Variants in BLM observed in about 807,000 individuals in gnomAD.
The protein encoded by BLM is BLM RecQ like helicase.
Under a neutral mutation model 135.3 loss-of-function variants are expected in BLM, and 95 were observed. That is an observed-to-expected ratio of 0.70 (90% CI 0.59 to 0.83). BLM has a LOEUF of 0.83. BLM is among the 40% of genes least tolerant of loss of function. The probability of loss-of-function intolerance (pLI) is 0.00; values close to 1 mark genes in which losing one functional copy is unlikely to be tolerated. For synonymous variants in BLM, 520 were observed against 589.2 expected, an observed-to-expected ratio of 0.88 and a Z score of 1.70; for missense variants, 1,518 against 1,663.9, an observed-to-expected ratio of 0.91 and a Z score of 1.53.
intron 1 of BLM, among the ~76,000 whole-genome samples, chr15:90,725,482 C>T (rs530743389): frequency 1.3e-5 from 2 of 150,802 alleles, no homozygotes; most frequent in African/African-American, 4.8e-5. Flanking sequence ...GGGCTATTTC[C>T]TCTTTTTTAC....
At chr15:90,725,050 A>G (rs1029589824) in intron 1 of BLM, among the ~76,000 whole-genome samples, 2 of 152,146 alleles carry the variant, frequency 1.3e-5, no homozygotes, top group African/African-American at 4.8e-5. Context: ...CTGGGGTTAT[A>G]GGTGTGCACC....
At chr15:90,718,453 A>G (rs1894667688) in intron 1 of BLM, among the ~76,000 whole-genome samples, 1 of 152,238 alleles carries the variant, frequency 6.6e-6, no homozygotes, top group South Asian at 2.1e-4. Flanking sequence ...CCACCCATGC[A>G]GATAAATAAC....
chr15:90,754,682 A>T (rs1895768427), intron 4 of BLM, 129 bp from the exon 5 acceptor site: 7 of 1,114,038 alleles, frequency 6.3e-6, no homozygotes, highest in South Asian at 3.1e-5. Flanking sequence ...GAGGAAATTT[A>T]AAAAACTACT....
chr15:90,778,889 C>CT (rs60733714), intron 12 of BLM, among the ~76,000 whole-genome samples: 2,111 of 135,042 alleles, frequency 0.016, 80 homozygotes, highest in South Asian at 0.053. Flanking sequence ...TTAACCCTTT[C>CT]TTTTTTTTTT....
At chr15:90,746,821 A>T (rs1214866398) in intron 1 of BLM, among the ~76,000 whole-genome samples, 2 of 152,184 alleles carry the variant, frequency 1.3e-5, no homozygotes, top group Non-Finnish European at 2.9e-5. Context: ...CTTGTTACAC[A>T]GAGATATAAA....
chr15:90,775,375 T>C (rs1053976821), intron 12 of BLM, among the ~76,000 whole-genome samples: 1 of 151,926 alleles, frequency 6.6e-6, no homozygotes, highest in Admixed American at 6.6e-5. Flanking sequence ...TCTTCATACC[T>C]TCTTTGGTCA....
chr15:90,768,820 A>T (rs1005084659), intron 10 of BLM, among the ~76,000 whole-genome samples: 16 of 152,030 alleles, frequency 1.1e-4, no homozygotes, highest in Admixed American at 9.8e-4. Flanking sequence ...CCACCTCCCG[A>T]GTTCAAGCGA....
Position 90,779,826 on chromosome 15 carries a change from CAG to C in BLM, c.2556-2994_2556-2993del, listed in dbSNP as rs147335456. Among the ~76,000 whole-genome samples the C allele has an allele frequency of 7.9e-5, 12 of 152,280 alleles. No individual in the cohort carries two copies. In the East Asian group the frequency reaches 1.9e-3, roughly 24 times the overall value. On this transcript the variant is annotated intron_variant, in intron 12 of 21. Transcript: ENST00000355112. ...GTTCCTAGTTATTCTTCACCCTTAA[CAG>C]AAATAAGTAAAACACCGAAAGATAT...
chr15:90,799,626 T>TA (rs10600094), intron 17 of BLM, among the ~76,000 whole-genome samples: 1,292 of 108,606 alleles, frequency 0.012, 7 homozygotes, highest in African/African-American at 0.034. Context: ...AAGATGCCTG[T>TA]AAAAAAAAAA....
At chr15:90,798,147 G>T in intron 16 of BLM, 43 bp from the exon 17 acceptor site, 1 of 1,537,462 alleles carries the variant, frequency 6.5e-7, no homozygotes. Context: ...TCTAGGCATT[G>T]TTACCTTAAT....
intron 12 of BLM, among the ~76,000 whole-genome samples, chr15:90,774,830 G>C (rs981893092): frequency 1.3e-5 from 2 of 151,040 alleles, no homozygotes; most frequent in East Asian, 1.9e-4. Flanking sequence ...AAAAAGTACA[G>C]GTCAGGCCCA....
intron 1 of BLM, among the ~76,000 whole-genome samples, chr15:90,745,766 T>G (rs1895485232): frequency 6.6e-6 from 1 of 152,118 alleles, no homozygotes; most frequent in Non-Finnish European, 1.5e-5. Context: ...TGCATCATTA[T>G]TTTGAAACTT....
chr15:90,785,998 CTTTTT>C (rs869185558), intron 14 of BLM, among the ~76,000 whole-genome samples: 2 of 110,698 alleles, frequency 1.8e-5, no homozygotes, highest in African/African-American at 3.1e-5. Flanking sequence ...TCGTTTCTTT[CTTTTT>C]TTTTTTTTTT....
At chr15:90,786,295 A>G (rs1249983096) in intron 14 of BLM, among the ~76,000 whole-genome samples, 2 of 151,860 alleles carry the variant, frequency 1.3e-5, no homozygotes, top group East Asian at 1.9e-4. Flanking sequence ...ATGTGTTTCT[A>G]CTTCTTGGCT....
chr15:90,800,945 T>C (rs112885704), intron 17 of BLM, among the ~76,000 whole-genome samples: 23,375 of 152,044 alleles, frequency 0.15, 1,915 homozygotes, highest in Non-Finnish European at 0.19. Context: ...GTCAGGAGTT[T>C]GAGACCAGCC....
chr15:90,764,099 C>T lies in BLM; in HGVS notation c.2074+942C>T, dbSNP rs112269745. Among the ~76,000 whole-genome samples, 738 of 151,578 alleles carry T rather than the reference C, an allele frequency of 4.9e-3. 4 individuals carry two copies. The highest frequency in any genetic ancestry group is 0.017 in the African/African-American group (707 of 41,388). ...CTATTTTGGTGTTTCAGAACTCTAA[C>T]GCTGGAAAAAACCTTGGCAATGATC... is the stretch of plus-strand genomic sequence containing the variant. On this transcript the variant is annotated intron_variant, in intron 8 of 21. Transcript: ENST00000355112.
At chr15:90,809,938 C>A (rs1378018779) in intron 20 of BLM, among the ~76,000 whole-genome samples, 1 of 152,144 alleles carries the variant, frequency 6.6e-6, no homozygotes, top group Non-Finnish European at 1.5e-5. Context: ...ATAACATCAC[C>A]ACGTAATAGG....
chr15:90,777,049 C>T (rs1156241084), intron 12 of BLM, among the ~76,000 whole-genome samples: 1 of 152,018 alleles, frequency 6.6e-6, no homozygotes, highest in East Asian at 1.9e-4. Flanking sequence ...CACTATGTTG[C>T]CCAGGCTGGT....
At chr15:90,814,295 T>C (rs993950896) in intron 21 of BLM, among the ~76,000 whole-genome samples, 3 of 152,182 alleles carry the variant, frequency 2.0e-5, no homozygotes, top group African/African-American at 7.2e-5. Flanking sequence ...CTTCTGCGGG[T>C]AATGCTGCCC....
Sources: gnomAD v4.1 joint callset for allele counts (sites outside exome capture counted in the v4.1 genomes callset) on GRCh38, gnomAD v4.1.1 for gene constraint, MANE v1.5 for transcripts, NCBI Gene and HGNC (gene_info 2026-07-23, HGNC 2026-07-21) for gene names.